The following SLC9A9 variants were observed in gnomAD, a reference collection of about 807,000 sequenced individuals.
SLC9A9 encodes the protein solute carrier family 9 member A9.
Under a neutral mutation model 77.8 loss-of-function variants are expected in SLC9A9, and 62 were observed. The observed-to-expected ratio is 0.80, with a 90% CI of 0.65 to 0.98. SLC9A9 has a LOEUF of 0.98. Among genes scored for constraint, SLC9A9 ranks in the 50% least tolerant of loss-of-function variants. The probability of loss-of-function intolerance (pLI) is 0.00; values close to 1 mark genes in which losing one functional copy is unlikely to be tolerated. For synonymous variants in SLC9A9, 320 were observed against 283.5 expected (o/e 1.13, Z -1.29); for missense variants, 775 against 774.9 (o/e 1.00, Z 0.00).
At chr3:143,664,128 T>A (rs2039023995) in intron 5 of SLC9A9, among the ~76,000 whole-genome samples, 1 of 152,048 alleles carries the variant, frequency 6.6e-6, no homozygotes, top group Non-Finnish European at 1.5e-5. Context: ...TAACAGCGGA[T>A]CTCTCTGCAG....
chr3:143,271,748 C>T (rs946556707), intron 14 of SLC9A9, among the ~76,000 whole-genome samples: 1 of 152,072 alleles, frequency 6.6e-6, no homozygotes, highest in Non-Finnish European at 1.5e-5. Flanking sequence ...TAAGACTCTC[C>T]TGGGAATTAC....
At chr3:143,735,528 A>G (rs1934919120) in intron 4 of SLC9A9, among the ~76,000 whole-genome samples, 1 of 152,246 alleles carries the variant, frequency 6.6e-6, no homozygotes, top group South Asian at 2.1e-4. Flanking sequence ...TGTCCAGCAC[A>G]GTACCTGGCA....
chr3:143,491,048 G>A (rs987666729), intron 11 of SLC9A9, among the ~76,000 whole-genome samples: 1 of 152,108 alleles, frequency 6.6e-6, no homozygotes, highest in Non-Finnish European at 1.5e-5. Context: ...CATAAAATAA[G>A]TGCACCTCGG....
intron 6 of SLC9A9, among the ~76,000 whole-genome samples, chr3:143,628,475 T>A (rs2038367797): frequency 6.6e-6 from 1 of 152,150 alleles, no homozygotes; most frequent in African/African-American, 2.4e-5. Context: ...AGAATGGTTG[T>A]ATGGGTGCTC....
rs746342721 is a variant in SLC9A9 at position 143,266,850 on chromosome 3, G to A, written c.1790C>T (p.Ser597Leu). 6.2e-6 allele frequency: 10 copies of A among 1,614,094 alleles called. No homozygotes were observed. The highest frequency in any genetic ancestry group is 3.3e-5 in the Admixed American group (2 of 60,006). ...LAINYQEQAS[S>L]PCSPPARLGL... ...TAGCCTTGCAGGAGGACTGCAGGGT[G>A]AGGAGGCTTGCTCCTGGTAATTTAT... is the stretch of plus-strand genomic sequence containing the variant. The change falls in exon 16 of 16, where the codon TCA (serine) becomes TTA (leucine). Residue 597 changes from serine to leucine, a missense_variant. By Grantham distance (145) the Ser-to-Leu change is moderately radical. Coordinates refer to ENST00000316549, the MANE Select transcript of SLC9A9 (RefSeq NM_173653.4).
intron 14 of SLC9A9, among the ~76,000 whole-genome samples, chr3:143,330,093 A>G (rs1033550333): frequency 2.6e-5 from 4 of 152,096 alleles, no homozygotes; most frequent in African/African-American, 9.7e-5. Context: ...GGTGGAGGAG[A>G]CAGATGGTGA....
chr3:143,737,630 G>A (rs1934974389), intron 4 of SLC9A9, among the ~76,000 whole-genome samples: 1 of 152,090 alleles, frequency 6.6e-6, no homozygotes, highest in African/African-American at 2.4e-5. Context: ...TTCCTTATTA[G>A]CTTATTAGTT....
At chr3:143,269,077 C>T (rs1370525990) in intron 14 of SLC9A9, 97 bp from the exon 15 acceptor site, 2 of 890,742 alleles carry the variant, frequency 2.2e-6, no homozygotes, top group Non-Finnish European at 3.7e-6. Context: ...CTACGTTTGC[C>T]TTTAAATCCC....
intron 9 of SLC9A9, among the ~76,000 whole-genome samples, chr3:143,548,536 C>A (rs1472126265): frequency 6.6e-6 from 1 of 152,114 alleles, no homozygotes; most frequent in Non-Finnish European, 1.5e-5. Flanking sequence ...CACCCTAAAG[C>A]AACAAAGAAC....
intron 5 of SLC9A9, among the ~76,000 whole-genome samples, chr3:143,661,025 C>A (rs2038970522): frequency 6.6e-6 from 1 of 152,258 alleles, no homozygotes; most frequent in East Asian, 1.9e-4. Context: ...TTTTATAGCT[C>A]ATCAAATCAC....
At chr3:143,629,434 G>A (rs2038385097) in intron 6 of SLC9A9, among the ~76,000 whole-genome samples, 4 of 152,102 alleles carry the variant, frequency 2.6e-5, no homozygotes. Flanking sequence ...TGCTACGATT[G>A]GGGCATAGTA....
At chr3:143,413,923 C>T (rs1441007073) in intron 12 of SLC9A9, among the ~76,000 whole-genome samples, 2 of 152,194 alleles carry the variant, frequency 1.3e-5, no homozygotes. Context: ...GGGGCCTGTG[C>T]CCCCTTTAAA....
chr3:143,730,204 T>C (rs1200654192), intron 4 of SLC9A9, among the ~76,000 whole-genome samples: 1 of 152,168 alleles, frequency 6.6e-6, no homozygotes, highest in Non-Finnish European at 1.5e-5. Flanking sequence ...TTGGGCCCCT[T>C]TGAAAGCGTG....
chr3:143,617,127 G>A (rs905058664), intron 6 of SLC9A9, among the ~76,000 whole-genome samples: 8 of 152,196 alleles, frequency 5.3e-5, no homozygotes, highest in Admixed American at 3.9e-4. Context: ...GTGAATAAAG[G>A]AGGAAATGCC....
At chr3:143,721,524 G>A (rs976196395) in intron 4 of SLC9A9, among the ~76,000 whole-genome samples, 4 of 152,056 alleles carry the variant, frequency 2.6e-5, no homozygotes, top group African/African-American at 9.7e-5. Flanking sequence ...CTCTGGAGAC[G>A]TGGTCATCAA....
At chr3:143,374,799 A>C (rs1294939030) in intron 13 of SLC9A9, among the ~76,000 whole-genome samples, 1 of 152,172 alleles carries the variant, frequency 6.6e-6, no homozygotes, top group Non-Finnish European at 1.5e-5. Flanking sequence ...CATACTTTAA[A>C]TTATTTTAAA....
At chr3:143,461,412 C>T (rs838614) in intron 12 of SLC9A9, among the ~76,000 whole-genome samples, 106,876 of 152,010 alleles carry the variant, frequency 0.7, 38,272 homozygotes, top group African/African-American at 0.83. Context: ...TGTGTATGTG[C>T]GTCAGGGGGA....
chr3:143,418,011 C>G (rs2034229015), intron 12 of SLC9A9, among the ~76,000 whole-genome samples: 1 of 151,794 alleles, frequency 6.6e-6, no homozygotes, highest in African/African-American at 2.4e-5. Context: ...ATTTAGAAAG[C>G]AGACCTAGCA....
At chr3:143,442,967 G>T (rs757721199) in intron 12 of SLC9A9, among the ~76,000 whole-genome samples, 2 of 152,148 alleles carry the variant, frequency 1.3e-5, no homozygotes, top group Non-Finnish European at 2.9e-5. Flanking sequence ...TGAGGTTATG[G>T]TCCTTTGATT....
Sources: allele counts gnomAD v4.1 joint callset (sites outside exome capture counted in the v4.1 genomes callset), GRCh38; gene constraint gnomAD v4.1.1; transcripts MANE v1.5; gene names NCBI Gene and HGNC (gene_info 2026-07-23, HGNC 2026-07-21).